PRKCB: variants seen among roughly 807,000 people sequenced by gnomAD.
The protein encoded by PRKCB is protein kinase C beta, also known as protein kinase C beta type.
PRKCB carries 13 observed loss-of-function variants against 81.5 expected under a neutral mutation model. The observed-to-expected ratio is 0.16, with a 90% CI of 0.10 to 0.25. The LOEUF (loss-of-function observed/expected upper bound fraction) is 0.25, where lower values mean the gene tolerates loss of function less well. Ranked by LOEUF, PRKCB falls within the 10% of genes least tolerant of loss-of-function variation. The pLI is 1.00. For missense variants in PRKCB, 509 were observed against 875.7 expected (o/e 0.58, Z 5.29); for synonymous variants, 335 against 321.4 (o/e 1.04, Z -0.45).
intron 5 of PRKCB, among the ~76,000 whole-genome samples, chr16:24,058,964 G>T (rs1408130483): frequency 7.9e-6 from 1 of 127,332 alleles, no homozygotes; most frequent in East Asian, 2.0e-4. Context: ...TTGATGTAGA[G>T]GATCAGGGAG....
chr16:24,141,352 G>C (rs1009226111), intron 9 of PRKCB, among the ~76,000 whole-genome samples: 9 of 152,082 alleles, frequency 5.9e-5, no homozygotes, highest in Non-Finnish European at 1.2e-4. Flanking sequence ...GCACCACCAT[G>C]CCTGGCTAAT....
intron 3 of PRKCB, among the ~76,000 whole-genome samples, chr16:24,028,175 G>C (rs1293646575): frequency 6.6e-6 from 1 of 152,060 alleles, no homozygotes; most frequent in East Asian, 1.9e-4. Flanking sequence ...TGCAACCTCT[G>C]CCTCTTGGGT....
intron 10 of PRKCB, among the ~76,000 whole-genome samples, chr16:24,158,137 G>A (rs1430713242): frequency 6.6e-6 from 1 of 152,176 alleles, no homozygotes; most frequent in East Asian, 1.9e-4. Flanking sequence ...GCAAGCAAGA[G>A]ACCCTGAGAT....
chr16:23,886,702 C>T (rs906126295), intron 2 of PRKCB, among the ~76,000 whole-genome samples: 2 of 152,108 alleles, frequency 1.3e-5, no homozygotes, highest in Admixed American at 6.5e-5. Context: ...CGTGAGCCAC[C>T]GTGCCCAGCC....
At chr16:24,058,432 C>A (rs192744962) in intron 5 of PRKCB, among the ~76,000 whole-genome samples, 29 of 151,342 alleles carry the variant, frequency 1.9e-4, no homozygotes, top group Admixed American at 1.1e-3. Flanking sequence ...AAAAAAAAAA[C>A]CAAAAACGGT....
intron 12 of PRKCB, among the ~76,000 whole-genome samples, chr16:24,176,894 CAAAA>C (rs34201635): frequency 0.022 from 2,144 of 96,462 alleles, 45 homozygotes; most frequent in African/African-American, 0.076. Flanking sequence ...AACTCCATTT[CAAAA>C]AAAAAAAAAA....
At position 23,877,583 on chromosome 16, in the gene PRKCB, G is replaced by T. The variant is rs564371407; in HGVS notation, c.205+40177G>T. On this transcript the variant is annotated intron_variant, in intron 2 of 16. Coordinates refer to ENST00000643927, the MANE Select transcript of PRKCB (RefSeq NM_002738.7). ...ATTCACTCTGAGCTCATCACCAATG[G>T]CATGCCGCACTGTCAAAACTCTCTT... Among the ~76,000 whole-genome samples, 8 of 152,234 alleles carry T rather than the reference G, an allele frequency of 5.3e-5. No individual in the cohort carries two copies. The South Asian group carries it at 1.0e-3, about 20-fold the overall frequency.
At chr16:23,865,165 A>G (rs935383953) in intron 2 of PRKCB, among the ~76,000 whole-genome samples, 1 of 152,102 alleles carries the variant, frequency 6.6e-6, no homozygotes, top group Non-Finnish European at 1.5e-5. Context: ...TATGCACACA[A>G]GTTAGAAAAC....
intron 9 of PRKCB, among the ~76,000 whole-genome samples, chr16:24,145,245 T>G (rs1301345957): frequency 6.6e-6 from 1 of 152,164 alleles, no homozygotes; most frequent in African/African-American, 2.4e-5. Context: ...TGGAGTGACA[T>G]GAACAAACTT....
chr16:24,082,092 A>G, intron 5 of PRKCB, among the ~76,000 whole-genome samples: 1 of 152,212 alleles, frequency 6.6e-6, no homozygotes, highest in Non-Finnish European at 1.5e-5. Flanking sequence ...TAGAAACCAA[A>G]AATTTAAAAA....
intron 3 of PRKCB, among the ~76,000 whole-genome samples, chr16:23,990,704 C>T (rs1964875643): frequency 6.6e-6 from 1 of 152,014 alleles, no homozygotes; most frequent in Non-Finnish European, 1.5e-5. Context: ...CATGCCACCA[C>T]ACCTGGCTAA....
chr16:24,006,070 T>C (rs912554902), intron 3 of PRKCB, among the ~76,000 whole-genome samples: 26 of 152,272 alleles, frequency 1.7e-4, no homozygotes, highest in Middle Eastern at 6.8e-3. Context: ...CCTTCCTCCC[T>C]TCCTCCCTTC....
chr16:24,021,222 CTTT>C (rs1965387398), intron 3 of PRKCB, among the ~76,000 whole-genome samples: 3 of 23,472 alleles, frequency 1.3e-4, no homozygotes, highest in African/African-American at 4.0e-4. Flanking sequence ...TTCTTTCTTT[CTTT>C]CTTTCTTTCC....
chr16:23,868,793 A>G (rs186538566), intron 2 of PRKCB, among the ~76,000 whole-genome samples: 14 of 152,340 alleles, frequency 9.2e-5, no homozygotes, highest in Non-Finnish European at 1.3e-4. Context: ...AAGGGTACCC[A>G]TCTCACACGA....
chr16:24,216,655 C>T lies in PRKCB; in HGVS notation c.*1839C>T. 1 of 985,504 alleles carries T rather than the reference C, an allele frequency of 1.0e-6. No homozygotes were observed. The highest frequency in any genetic ancestry group is 1.2e-6 in the Non-Finnish European group (1 of 829,972). The allele number at this position is 985,504 out of a possible 1,614,324, so 61.0% of individuals were successfully genotyped here. ...CCTGCAGTTCATCCTTCTCTGTCCT[C>T]TTCTTGCTTCAGGCTTGGGGACCGT... On this transcript the variant is annotated 3_prime_UTR_variant, in exon 17 of 17. Coordinates refer to ENST00000643927, the MANE Select transcript of PRKCB (RefSeq NM_002738.7).
Position 24,215,467 on chromosome 16 carries a change from T to C in PRKCB, c.*651T>C. 1.0e-6 allele frequency: 1 copy of C among 985,838 alleles called. No individual in the cohort carries two copies. The allele number at this position is 985,838 out of a possible 1,614,324, so 61.1% of individuals were successfully genotyped here. ...GGTGCTACCTCAGTGTTGTAGTTTC[T>C]GATACTTTATGTCTTTGCTCACCCT... On this transcript the variant is annotated 3_prime_UTR_variant, in exon 17 of 17. Transcript: ENST00000643927.
chr16:24,056,982 C>G (rs1201242574), intron 5 of PRKCB, among the ~76,000 whole-genome samples: 3 of 152,158 alleles, frequency 2.0e-5, no homozygotes, highest in Non-Finnish European at 4.4e-5. Context: ...ACCCCAAGAG[C>G]AGATTCAAAC....
At chr16:23,949,233 G>A (rs566500135) in intron 2 of PRKCB, among the ~76,000 whole-genome samples, 16 of 152,294 alleles carry the variant, frequency 1.1e-4, no homozygotes, top group African/African-American at 3.4e-4. Flanking sequence ...AAGAAAGAAC[G>A]AACGAATGGA....
At chr16:24,066,538 A>G (rs1338796757) in intron 5 of PRKCB, among the ~76,000 whole-genome samples, 1 of 152,224 alleles carries the variant, frequency 6.6e-6, no homozygotes, top group East Asian at 1.9e-4. Flanking sequence ...AACACGTTAC[A>G]TGACCATGAC....
Sources: allele counts gnomAD v4.1 joint callset (sites outside exome capture counted in the v4.1 genomes callset), GRCh38; gene constraint gnomAD v4.1.1; transcripts MANE v1.5; gene names NCBI Gene and HGNC (gene_info 2026-07-23, HGNC 2026-07-21).